Variants in NUP214 observed in about 807,000 individuals in gnomAD.
NUP214 encodes nuclear pore complex protein Nup214.
A neutral mutation model predicts 196.2 loss-of-function variants in NUP214; 79 were observed. The observed-to-expected ratio is 0.40, with a 90% CI of 0.34 to 0.49. The LOEUF (loss-of-function observed/expected upper bound fraction) is 0.49. NUP214 is among the 20% of genes least tolerant of loss of function. The pLI, the probability that NUP214 is intolerant of heterozygous loss-of-function variation, is 0.58. For missense variants in NUP214, 2,468 were observed against 2,539.0 expected, an observed-to-expected ratio of 0.97 and a Z score of 0.60; for synonymous variants, 1,020 against 990.5, an observed-to-expected ratio of 1.03 and a Z score of -0.56.
chr9:131,159,460 G>A lies in NUP214; in HGVS notation c.2514G>A (p.Gln838=), dbSNP rs377531764. The change falls in exon 18 of 36, where the codon CAG becomes CAA. Residue 838 remains glutamine, a synonymous_variant. Coordinates refer to ENST00000359428, the MANE Select transcript of NUP214 (RefSeq NM_005085.4). The part of the protein sequence containing the change: ...VNDVLDLEWD[Q]HLEQKKKQRH... ...ATGTTCTAGACTTGGAGTGGGATCAGCATCTGGAACAAAAGAAAAAACAAA... is the reference window on the plus strand; with the variant it reads ...ATGTTCTAGACTTGGAGTGGGATCAACATCTGGAACAAAAGAAAAAACAAA... The A allele has an allele frequency of 2.2e-5, 35 of 1,613,744 alleles. No individual in the cohort carries two copies. The highest frequency in any genetic ancestry group is 2.0e-4 in the African/African-American group (15 of 74,908).
chr9:131,130,437 G>A (rs112937914), intron 4 of NUP214, among the ~76,000 whole-genome samples: 3,123 of 152,098 alleles, frequency 0.021, 102 homozygotes, highest in African/African-American at 0.072. Context: ...GAGCCACTGT[G>A]CCCGGCCAGT....
intron 5 of NUP214, among the ~76,000 whole-genome samples, chr9:131,131,577 A>G (rs1831545321): frequency 6.6e-6 from 1 of 152,242 alleles, no homozygotes; most frequent in Non-Finnish European, 1.5e-5. Flanking sequence ...TATTACCAAA[A>G]GTTACCTGAA....
At chr9:131,168,327 A>G (rs1230315219) in intron 21 of NUP214, among the ~76,000 whole-genome samples, 1 of 152,206 alleles carries the variant, frequency 6.6e-6, no homozygotes. Flanking sequence ...ATTATCTTCC[A>G]GAAACATTTA....
chr9:131,148,120 G>A (rs1004673604), intron 14 of NUP214, among the ~76,000 whole-genome samples: 1 of 152,216 alleles, frequency 6.6e-6, no homozygotes, highest in African/African-American at 2.4e-5. Flanking sequence ...CCGGGAGGCG[G>A]AGGCCAGAAC....
In NUP214 at chr9:131,215,268, A is replaced by C. The variant is rs1434828578; in HGVS notation, c.5649A>C (p.Gly1883=). 1.4e-5 allele frequency: 22 copies of C among 1,604,588 alleles called. No homozygotes were observed. Among genetic ancestry groups the C allele is most frequent in the Non-Finnish European group, 1.8e-5 (21 of 1,175,654 alleles). ...VFGSGNTGRG[G]GFFSGLGGKP... is the part of the protein sequence containing the mutation. The stretch of plus-strand genomic sequence containing the variant: ...GGTCTGGAAACACTGGAAGAGGGGG[A>C]GGTTTCTTCAGTGGCCTTGGAGGAA... The change falls in exon 31 of 36, where the codon GGA becomes GGC. Residue 1883 remains glycine (G), a synonymous_variant. Coordinates refer to ENST00000359428, the MANE Select transcript of NUP214 (RefSeq NM_005085.4).
At chr9:131,215,768 AAT>A (rs1424310331) in intron 31 of NUP214, among the ~76,000 whole-genome samples, 3 of 152,172 alleles carry the variant, frequency 2.0e-5, no homozygotes, top group African/African-American at 7.2e-5. Flanking sequence ...GTACTCTCCA[AAT>A]TTTCCTTAAA....
chr9:131,230,612 T>C lies in NUP214; in HGVS notation c.6075-18T>C. ...GAGAGGCCCCACTGACCTCAGTCTG[T>C]TTCTCACTGGAGCGCAGGTTTGGGA... is the stretch of plus-strand genomic sequence containing the variant. On this transcript the variant is annotated intron_variant, in intron 33 of 35. Coordinates refer to ENST00000359428, the MANE Select transcript of NUP214 (RefSeq NM_005085.4). 1.2e-6 allele frequency: 2 copies of C among 1,613,686 alleles called. No individual in the cohort carries two copies. The highest frequency in any genetic ancestry group is 1.7e-6 in the Non-Finnish European group (2 of 1,179,922).
At chr9:131,180,877 G>T (rs1045489769) in intron 24 of NUP214, among the ~76,000 whole-genome samples, 3 of 152,166 alleles carry the variant, frequency 2.0e-5, no homozygotes, top group African/African-American at 7.2e-5. Context: ...AGCATTTGTT[G>T]TATGCCACAC....
At chr9:131,172,690 A>C (rs930644324) in intron 21 of NUP214, among the ~76,000 whole-genome samples, 1 of 152,204 alleles carries the variant, frequency 6.6e-6, no homozygotes, top group Non-Finnish European at 1.5e-5. Flanking sequence ...TGATTACTTT[A>C]AATTTAAATA....
chr9:131,157,559 G>A (rs1483347751), intron 17 of NUP214, among the ~76,000 whole-genome samples: 1 of 150,590 alleles, frequency 6.6e-6, no homozygotes, highest in African/African-American at 2.5e-5. Context: ...CAGCCTCCTG[G>A]GTTCATGTAG....
chr9:131,133,728 T>C (rs1831632101), intron 7 of NUP214: 1 of 149,732 alleles, frequency 6.7e-6, no homozygotes, highest in African/African-American at 2.4e-5. Flanking sequence ...GTTATGAGGT[T>C]AAAAAAAAAA....
chr9:131,222,861 G>A lies in NUP214; in HGVS notation c.5833G>A (p.Gly1945Ser), dbSNP rs745704161. Reference sequence around the variant, plus strand: ...GTCGTTTGGAGAGCAGAAACCCACTGGCACTTTCAGCTCTGGAGGAGGAAG... The same window carrying A: ...GTCGTTTGGAGAGCAGAAACCCACTAGCACTTTCAGCTCTGGAGGAGGAAG... ...SSSFGEQKPT[G>S]TFSSGGGSVA... Residue 1945 changes from glycine (G) to serine (S), a missense_variant, in exon 32 of 36, where the codon GGC (glycine) becomes AGC (serine). Coordinates refer to ENST00000359428, the MANE Select transcript of NUP214 (RefSeq NM_005085.4). The A allele has an allele frequency of 9.9e-6, 16 of 1,614,080 alleles. No individual in the cohort carries two copies. The South Asian group carries it at 1.8e-4, about 18-fold the overall frequency.
Position 131,160,189 on chromosome 9 carries a change from G to A in NUP214, c.2540+703G>A, listed in dbSNP as rs1344482248. 2.6e-5 allele frequency among the ~76,000 whole-genome samples: 4 copies of A among 151,720 alleles called. No homozygotes were observed. In the East Asian group the frequency reaches 7.7e-4, roughly 29 times the overall value. On this transcript the variant is annotated intron_variant, in intron 18 of 35. Coordinates refer to ENST00000359428, the MANE Select transcript of NUP214 (RefSeq NM_005085.4). ...AAATGTATGAATATATAACTATTTC[G>A]CTATAATTATTAGATGTAATATAAA...
intron 32 of NUP214, 62 bp downstream of exon 32, chr9:131,222,992 C>T: frequency 6.6e-7 from 1 of 1,516,644 alleles, no homozygotes. Context: ...GCATAGATAT[C>T]TGGAAGGAGA....
chr9:131,128,604 G>T, intron 3 of NUP214, 121 bp downstream of exon 3: 1 of 805,242 alleles, frequency 1.2e-6, no homozygotes, highest in South Asian at 2.7e-5. Context: ...TTAAAATATG[G>T]GTTAAAAAAA....
At position 131,147,477 on chromosome 9, in the gene NUP214, C is replaced by G. The variant is rs1832117734; in HGVS notation, c.1946-13C>G. 1 of 1,590,772 alleles carries G rather than the reference C, an allele frequency of 6.3e-7. No homozygotes were observed. Among genetic ancestry groups the G allele is most frequent in the African/African-American group, 1.4e-5 (1 of 73,802 alleles). On this transcript the variant is annotated splice_polypyrimidine_tract_variant and intron_variant, in intron 13 of 35. Coordinates refer to ENST00000359428, the MANE Select transcript of NUP214 (RefSeq NM_005085.4). ...AAATGCCATCTATTTTAACTGACTT[C>G]TTTTTCAAGCAGGACGATCTGCTCA... is the stretch of plus-strand genomic sequence containing the variant.
intron 31 of NUP214, among the ~76,000 whole-genome samples, chr9:131,219,247 GCTACTAA>G (rs1834489088): frequency 2.6e-5 from 4 of 152,250 alleles, no homozygotes; most frequent in Non-Finnish European, 5.9e-5. Context: ...AAGTTGCACA[GCTACTAA>G]GTGGCGTAGC....
chr9:131,138,436 T>A (rs1193886320), intron 9 of NUP214, among the ~76,000 whole-genome samples: 2 of 152,130 alleles, frequency 1.3e-5, no homozygotes, highest in Non-Finnish European at 2.9e-5. Flanking sequence ...CAGGCTGGTT[T>A]CAAACTCCTG....
chr9:131,168,885 A>C (rs1213148248), intron 21 of NUP214, among the ~76,000 whole-genome samples: 1 of 152,078 alleles, frequency 6.6e-6, no homozygotes, highest in Non-Finnish European at 1.5e-5. Flanking sequence ...ATCCCTATAC[A>C]TGTATGTTTG....
Sources: allele counts gnomAD v4.1 joint callset (sites outside exome capture counted in the v4.1 genomes callset), GRCh38; gene constraint gnomAD v4.1.1; transcripts MANE v1.5; gene names NCBI Gene and HGNC (gene_info 2026-07-23, HGNC 2026-07-21).